AGTPBP1: variants seen among roughly 807,000 people sequenced by gnomAD.
AGTPBP1 encodes cytosolic carboxypeptidase 1.
In AGTPBP1, 70 loss-of-function variants were observed where a neutral mutation model predicts 143.9. The ratio of observed to expected loss-of-function variants is 0.49; its 90% CI spans 0.40 to 0.59. AGTPBP1 has a LOEUF of 0.59. Ranked by LOEUF, AGTPBP1 falls within the 20% of genes least tolerant of loss-of-function variation. The pLI is 0.00. For missense variants in AGTPBP1, 1,229 were observed against 1,464.5 expected, an observed-to-expected ratio of 0.84 and a Z score of 2.62; for synonymous variants, 463 against 500.2, an observed-to-expected ratio of 0.93 and a Z score of 0.99.
Position 85,550,219 on chromosome 9 carries a change from A to AGAG in AGTPBP1, c.3504-2934_3504-2933insCTC, listed in dbSNP as rs1296755774. Among the ~76,000 whole-genome samples, 1,228 of 139,826 alleles carry AGAG rather than the reference A, an allele frequency of 8.8e-3. 18 individuals carry two copies. The highest frequency in any genetic ancestry group is 0.03 in the African/African-American group (1,146 of 37,648). The allele number at this position is 139,826 out of a possible 152,430, so 91.7% of individuals were successfully genotyped here. On this transcript the variant is annotated intron_variant, in intron 25 of 25. Coordinates refer to ENST00000357081, the MANE Select transcript of AGTPBP1 (RefSeq NM_001330701.2). The stretch of plus-strand genomic sequence containing the variant: ...TGAGAGAGAGAGAGAGAGAGAGAGA[A>AGAG]AGATATCAGGGGATCTGGAAGGAGC...
chr9:85,570,694 ACT>A (rs1259972736), intron 25 of AGTPBP1, among the ~76,000 whole-genome samples: 2 of 152,174 alleles, frequency 1.3e-5, no homozygotes, highest in Non-Finnish European at 2.9e-5. Flanking sequence ...CTAGCTCAAC[ACT>A]CTGCCCATGA....
chr9:85,657,522 C>T lies in AGTPBP1; in HGVS notation c.822G>A (p.Gln274=). Residue 274 remains glutamine, a synonymous_variant, in exon 10 of 26, where the codon CAG becomes CAA. Coordinates refer to ENST00000357081, the MANE Select transcript of AGTPBP1 (RefSeq NM_001330701.2). ...TGATGTTTGTAACACTTTTTAAACT[C>T]TGTAAAATTCCTTTCCGAATGAGCA... The part of the protein sequence containing the change: ...RNMLIRKGIL[Q]SLKSVTNIKL... The T allele has an allele frequency of 6.2e-7, 1 of 1,613,916 alleles. No individual in the cohort carries two copies. The highest frequency in any genetic ancestry group is 8.5e-7 in the Non-Finnish European group (1 of 1,179,898).
the AGTPBP1 span, among the ~76,000 whole-genome samples, chr9:85,792,750 ACTTTATCAAATAAATG>A: frequency 0.062 from 9,422 of 152,206 alleles, 939 homozygotes; most frequent in African/African-American, 0.21. Flanking sequence ...ACATAGTCTT[ACTTTATCAAATAAATG>A]CTTTATCAAA....
chr9:85,741,027 G>C (rs1263166463), intron 1 of AGTPBP1, among the ~76,000 whole-genome samples: 2 of 152,114 alleles, frequency 1.3e-5, no homozygotes, highest in African/African-American at 2.4e-5. Flanking sequence ...CCGCACAAGG[G>C]GTAAAACAAC....
intron 17 of AGTPBP1, 52 bp downstream of exon 17, chr9:85,618,931 C>A: frequency 1.3e-6 from 2 of 1,486,900 alleles, no homozygotes; most frequent in Non-Finnish European, 1.8e-6. Context: ...ACTTCTTTTC[C>A]ACAGTTAAGA....
intron 14 of AGTPBP1, among the ~76,000 whole-genome samples, chr9:85,623,193 A>G (rs1277174268): frequency 6.6e-6 from 1 of 152,118 alleles, no homozygotes; most frequent in Admixed American, 6.6e-5. Flanking sequence ...AAACAGAGGT[A>G]AAGGTTGTTG....
At chr9:85,685,336 A>AAAAT (rs1276435591) in intron 3 of AGTPBP1, among the ~76,000 whole-genome samples, 8 of 152,080 alleles carry the variant, frequency 5.3e-5, no homozygotes, top group Middle Eastern at 3.4e-3. Context: ...AAAATCCAAA[A>AAAAT]AAATAAATAA....
At chr9:85,580,675 G>A (rs776830219) in intron 23 of AGTPBP1, among the ~76,000 whole-genome samples, 2 of 152,120 alleles carry the variant, frequency 1.3e-5, no homozygotes, top group Non-Finnish European at 2.9e-5. Flanking sequence ...TATCGTTCAC[G>A]GTATTTGGTA....
chr9:85,583,884 GA>G (rs1407969975), intron 23 of AGTPBP1, among the ~76,000 whole-genome samples: 2 of 151,982 alleles, frequency 1.3e-5, no homozygotes, highest in Admixed American at 1.3e-4. Context: ...AAATAACATA[GA>G]AAACCTCACA....
chr9:85,697,457 T>TG (rs1475873848), intron 2 of AGTPBP1, among the ~76,000 whole-genome samples: 10 of 134,654 alleles, frequency 7.4e-5, no homozygotes, highest in African/African-American at 2.0e-4. Context: ...TTTTTTTTTT[T>TG]TTTTTTTTTT....
the AGTPBP1 span, among the ~76,000 whole-genome samples, chr9:85,770,009 C>T: frequency 1.3e-5 from 2 of 151,600 alleles, no homozygotes; most frequent in Non-Finnish European, 2.9e-5. Flanking sequence ...TCTGTCTTTT[C>T]CATTTTATTC....
intron 2 of AGTPBP1, among the ~76,000 whole-genome samples, chr9:85,706,463 T>C (rs1013678300): frequency 1.5e-4 from 22 of 149,450 alleles, no homozygotes; most frequent in Non-Finnish European, 3.1e-4. Context: ...TGAGCCAAGA[T>C]TGCACCACTG....
chr9:85,685,768 G>A (rs1365677752), intron 3 of AGTPBP1, among the ~76,000 whole-genome samples: 1 of 151,936 alleles, frequency 6.6e-6, no homozygotes, highest in Non-Finnish European at 1.5e-5. Flanking sequence ...AAACATACAT[G>A]ACTTGATAAA....
upstream of AGTPBP1, among the ~76,000 whole-genome samples, chr9:85,746,869 A>G (rs1824591924): frequency 6.6e-6 from 1 of 150,938 alleles, no homozygotes; most frequent in Admixed American, 6.6e-5. Context: ...CATATGTACA[A>G]TTTTGTTTTT....
chr9:85,802,021 T>G, the AGTPBP1 span, among the ~76,000 whole-genome samples: 200 of 152,156 alleles, frequency 1.3e-3, no homozygotes, highest in Middle Eastern at 3.4e-3. Context: ...TCAATTCCTT[T>G]ACCTCCTTTC....
chr9:85,587,719 AT>A (rs1828703842), intron 21 of AGTPBP1, among the ~76,000 whole-genome samples: 5 of 152,184 alleles, frequency 3.3e-5, no homozygotes, highest in Admixed American at 2.6e-4. Context: ...ACTAAATCCC[AT>A]CTTTCAGAGT....
At chr9:85,787,986 T>G in the AGTPBP1 span, 1 of 152,130 alleles carries the variant, frequency 6.6e-6, no homozygotes, top group Non-Finnish European at 1.5e-5. Flanking sequence ...CTTTCTCTCA[T>G]TGCTAGCCCC....
intron 11 of AGTPBP1, among the ~76,000 whole-genome samples, chr9:85,649,676 T>C (rs1475538885): frequency 6.6e-6 from 1 of 152,162 alleles, no homozygotes; most frequent in African/African-American, 2.4e-5. Context: ...GGCTATTGAT[T>C]TGAGCTAGAT....
intron 1 of AGTPBP1, among the ~76,000 whole-genome samples, chr9:85,715,911 A>C (rs187191294): frequency 1.3e-5 from 2 of 152,328 alleles, no homozygotes; most frequent in Admixed American, 6.5e-5. Flanking sequence ...ATTTAGGTAT[A>C]ATCTCCTCTT....
Sources: gnomAD v4.1 joint callset for allele counts (sites outside exome capture counted in the v4.1 genomes callset) on GRCh38, gnomAD v4.1.1 for gene constraint, MANE v1.5 for transcripts, NCBI Gene and HGNC (gene_info 2026-07-23, HGNC 2026-07-21) for gene names.